Variants in PPP1R9A observed in about 807,000 individuals in gnomAD.
PPP1R9A encodes the protein protein phosphatase 1 regulatory subunit 9A, also known as neurabin-1.
A neutral mutation model predicts 141.9 loss-of-function variants in PPP1R9A; 59 were observed. The ratio of observed to expected loss-of-function variants is 0.42; its 90% CI spans 0.34 to 0.52. PPP1R9A has a LOEUF of 0.52. PPP1R9A is among the 20% of genes least tolerant of loss of function. The pLI, the probability that PPP1R9A is intolerant of heterozygous loss-of-function variation, is 0.10. For missense variants in PPP1R9A, 1,444 were observed against 1,611.9 expected (o/e 0.90, Z 1.78); for synonymous variants, 500 against 569.7 (o/e 0.88, Z 1.74).
At chr7:95,228,874 C>A (rs1174533509) in intron 8 of PPP1R9A, among the ~76,000 whole-genome samples, 1 of 152,086 alleles carries the variant, frequency 6.6e-6, no homozygotes, top group Admixed American at 6.5e-5. Flanking sequence ...ATATAAGTCA[C>A]ATACATACAT....
At chr7:95,286,554 A>G (rs1805373059) in intron 18 of PPP1R9A, among the ~76,000 whole-genome samples, 1 of 152,148 alleles carries the variant, frequency 6.6e-6, no homozygotes. Flanking sequence ...ATGTAAACAC[A>G]CATGATGGGG....
rs1307777779 is a variant in PPP1R9A, at chr7:95,296,066, T to TTAAG, written c.*5765_*5768dup. The TTAAG allele has an allele frequency of 6.5e-6, 1 of 152,678 alleles. No individual in the cohort carries two copies. Among genetic ancestry groups the TTAAG allele is most frequent in the African/African-American group, 2.4e-5 (1 of 41,468 alleles). The allele number at this position is 152,678 out of a possible 1,614,324, so 9.5% of individuals were successfully genotyped here. On this transcript the variant is annotated 3_prime_UTR_variant, in exon 20 of 20. Coordinates refer to ENST00000433360, the MANE Select transcript of PPP1R9A (RefSeq NM_001166160.2). Reference sequence around the variant, plus strand: ...GAACACGAATTGTTTGAAAATAATTTTAAGTCTGATAAGTATGGATAGCAT... The same window carrying TTAAG: ...GAACACGAATTGTTTGAAAATAATTTTAAGTAAGTCTGATAAGTATGGATAGCAT...
chr7:95,026,577 G>C (rs1333705973), intron 2 of PPP1R9A, among the ~76,000 whole-genome samples: 3 of 152,122 alleles, frequency 2.0e-5, no homozygotes, highest in Admixed American at 6.6e-5. Context: ...TTGAGGAGGT[G>C]GTCTAGTCTG....
At chr7:95,132,150 C>A (rs1824763598) in intron 4 of PPP1R9A, among the ~76,000 whole-genome samples, 2 of 152,010 alleles carry the variant, frequency 1.3e-5, no homozygotes, top group African/African-American at 4.8e-5. Flanking sequence ...AGTTTGACTT[C>A]TTCTTTTCTT....
intron 4 of PPP1R9A, among the ~76,000 whole-genome samples, chr7:95,133,228 G>T (rs1824978463): frequency 1.3e-5 from 2 of 152,012 alleles, no homozygotes; most frequent in South Asian, 4.1e-4. Context: ...TGGTTAAAAG[G>T]CATCAAGGAA....
chr7:95,076,466 A>G (rs1266366277), intron 2 of PPP1R9A, among the ~76,000 whole-genome samples: 1 of 152,116 alleles, frequency 6.6e-6, no homozygotes, highest in Non-Finnish European at 1.5e-5. Flanking sequence ...AGTTTTATAT[A>G]TTTGAATTTG....
rs1791333685 is a variant in PPP1R9A, at chr7:94,910,522, T to G, written c.409T>G (p.Ser137Ala). 1 of 1,614,138 alleles carries G rather than the reference T, an allele frequency of 6.2e-7. No individual in the cohort carries two copies. The highest frequency in any genetic ancestry group is 1.7e-5 in the Admixed American group (1 of 60,026). ...CACTATGTACGATGGCCCTTCATAT[T>G]CCAAGTTCACTGAGACTCGAAAGAT... is the stretch of plus-strand genomic sequence containing the variant. ...FDTMYDGPSY[S>A]KFTETRKMFE... is the part of the protein sequence containing the mutation. The change falls in exon 2 of 20, where the codon TCC (serine) becomes GCC (alanine). Residue 137 changes from serine to alanine, a missense_variant. Coordinates refer to ENST00000433360, the MANE Select transcript of PPP1R9A (RefSeq NM_001166160.2). The surrounding 1 kb of genome is among the most constrained non-coding windows in gnomAD (Gnocchi z 4.5).
chr7:95,183,445 A>ATTTT (rs1223795449), intron 5 of PPP1R9A, among the ~76,000 whole-genome samples: 1 of 95,984 alleles, frequency 1.0e-5, no homozygotes, highest in Non-Finnish European at 2.2e-5. Context: ...TGGCAAAAAT[A>ATTTT]TTCTTTTTTT....
intron 2 of PPP1R9A, among the ~76,000 whole-genome samples, chr7:94,988,205 C>T (rs1801082197): frequency 1.3e-5 from 2 of 151,952 alleles, no homozygotes; most frequent in African/African-American, 4.8e-5. Context: ...GAAGACATAA[C>T]CCAAATATGT....
chr7:94,920,078 A>AT (rs1792593071), intron 2 of PPP1R9A, among the ~76,000 whole-genome samples: 1 of 152,180 alleles, frequency 6.6e-6, no homozygotes, highest in Non-Finnish European at 1.5e-5. Context: ...AAAATGAAAA[A>AT]TTTATGTTAA....
Position 94,937,772 on chromosome 7 carries a change from T to C in PPP1R9A, c.1395+26264T>C, listed in dbSNP as rs1794922665. Among the ~76,000 whole-genome samples the C allele has an allele frequency of 2.6e-5, 4 of 152,196 alleles. No individual in the cohort carries two copies. The South Asian group carries it at 6.2e-4, about 24-fold the overall frequency. On this transcript the variant is annotated intron_variant, in intron 2 of 19. Coordinates refer to ENST00000433360, the MANE Select transcript of PPP1R9A (RefSeq NM_001166160.2). Reference sequence around the variant, plus strand: ...TTTGAAAGCATCTTCTCTGTGGTATTCTATAGCCATTTACTTAGGCTGAGT... The same window carrying C: ...TTTGAAAGCATCTTCTCTGTGGTATCCTATAGCCATTTACTTAGGCTGAGT...
intron 4 of PPP1R9A, among the ~76,000 whole-genome samples, chr7:95,158,478 G>A (rs1477233936): frequency 6.6e-6 from 1 of 152,080 alleles, no homozygotes; most frequent in Admixed American, 6.5e-5. Flanking sequence ...AACATAGTGA[G>A]ACCCCATCCC....
Position 94,910,255 on chromosome 7 carries a change from G to A in PPP1R9A, c.142G>A (p.Gly48Ser), listed in dbSNP as rs762167914. 13 of 1,614,052 alleles carry A rather than the reference G, an allele frequency of 8.1e-6. No individual in the cohort carries two copies. The highest frequency in any genetic ancestry group is 1.1e-5 in the Non-Finnish European group (13 of 1,180,004). The change falls in exon 2 of 20, where the codon GGT (glycine) becomes AGT (serine). Residue 48 changes from glycine (G) to serine (S), a missense_variant. Gly to Ser is a moderately conservative substitution (Grantham distance 56, BLOSUM62 0). Coordinates refer to ENST00000433360, the MANE Select transcript of PPP1R9A (RefSeq NM_001166160.2). This position sits in a 1 kb window ranked among gnomAD's most constrained non-coding sequence, Gnocchi z 4.5. ...AGATGGGGAACAAAAAACAAAAGAA[G>A]GTGAGGGCTCCCAGCAGAGCAGGGG... ...KSDGEQKTKE[G>S]EGSQQSRGRK...
At chr7:95,187,661 G>A (rs1400881176) in intron 5 of PPP1R9A, among the ~76,000 whole-genome samples, 3 of 152,030 alleles carry the variant, frequency 2.0e-5, no homozygotes, top group African/African-American at 4.8e-5. Flanking sequence ...TTTCCTCCTA[G>A]CACTGCTTTT....
chr7:95,279,924 T>G (rs1043006822), intron 16 of PPP1R9A, among the ~76,000 whole-genome samples: 2 of 152,184 alleles, frequency 1.3e-5, no homozygotes, highest in African/African-American at 4.8e-5. Context: ...TTTAAACCCC[T>G]CCAGTATGGG....
At chr7:95,189,610 G>A (rs909792796) in intron 5 of PPP1R9A, among the ~76,000 whole-genome samples, 2 of 151,010 alleles carry the variant, frequency 1.3e-5, no homozygotes, top group African/African-American at 2.4e-5. Context: ...CTAATTTTTT[G>A]TATTTTTAGT....
intron 2 of PPP1R9A, among the ~76,000 whole-genome samples, chr7:94,963,363 A>T (rs1007609431): frequency 6.6e-6 from 1 of 152,106 alleles, no homozygotes; most frequent in Non-Finnish European, 1.5e-5. Flanking sequence ...TAGCAGCTTT[A>T]TTGAGATATA....
At chr7:94,945,563 T>C (rs571403124) in intron 2 of PPP1R9A, among the ~76,000 whole-genome samples, 1 of 152,228 alleles carries the variant, frequency 6.6e-6, no homozygotes, top group Non-Finnish European at 1.5e-5. Flanking sequence ...AGTTCACAAA[T>C]ATCTCCTTGC....
At chr7:95,089,706 A>G (rs182816270) in intron 2 of PPP1R9A, among the ~76,000 whole-genome samples, 48 of 146,018 alleles carry the variant, frequency 3.3e-4, no homozygotes, top group Non-Finnish European at 4.4e-4. Flanking sequence ...CTGCAACTGT[A>G]TATTTTAGAA....
Sources: allele counts gnomAD v4.1 joint callset (sites outside exome capture counted in the v4.1 genomes callset), GRCh38; gene constraint gnomAD v4.1.1; non-coding constraint Gnocchi (gnomAD v3.1); transcripts MANE v1.5; gene names NCBI Gene and HGNC (gene_info 2026-07-23, HGNC 2026-07-21).